The following COL11A2 variants were observed in gnomAD, a reference collection of about 807,000 sequenced individuals.
COL11A2 encodes collagen type XI alpha 2 chain.
In COL11A2, 116 loss-of-function variants were observed where a neutral mutation model predicts 273.4. The observed-to-expected ratio is 0.42, with a 90% CI of 0.36 to 0.49. The LOEUF (loss-of-function observed/expected upper bound fraction) is 0.49. COL11A2 is among the 20% of genes least tolerant of loss of function. The probability of loss-of-function intolerance (pLI) is 0.00; values close to 1 mark genes in which losing one functional copy is unlikely to be tolerated. For synonymous variants in COL11A2, 782 were observed against 864.2 expected (o/e 0.90, Z 1.67); for missense variants, 1,866 against 2,309.0 (o/e 0.81, Z 3.93).
At position 33,165,004 on chromosome 6, in the gene COL11A2, TC is replaced by T; in HGVS notation, c.4751-41del. 1 of 1,482,830 alleles carries T rather than the reference TC, an allele frequency of 6.7e-7. No homozygotes were observed. Among genetic ancestry groups the T allele is most frequent in the Non-Finnish European group, 9.2e-7 (1 of 1,084,456 alleles). 91.9% of individuals were successfully genotyped at this position (1,482,830 alleles called of 1,614,324 possible). A position where few individuals can be genotyped will look rare whatever the true frequency, so the allele number is the denominator to read the frequency against. ...AGAGGGGAGGTCAGGGCCACCTAGGTCCAGGCTCCAAGATGCTCTTTGCCCC... is the reference window on the plus strand; with the variant it reads ...AGAGGGGAGGTCAGGGCCACCTAGGTCAGGCTCCAAGATGCTCTTTGCCCC... On this transcript the variant is annotated intron_variant, in intron 63 of 65. Transcript: ENST00000341947. The surrounding 1 kb of genome is among the most constrained non-coding windows in gnomAD (Gnocchi z 7.7).
rs1232261229 is a variant in COL11A2, at chr6:33,164,294, A to G, written c.5043T>C (p.Tyr1681=). 1 of 1,612,842 alleles carries G rather than the reference A, an allele frequency of 6.2e-7. No individual in the cohort carries two copies. The highest frequency in any genetic ancestry group is 1.1e-5 in the South Asian group (1 of 91,056). ...EDELSPETSP[Y]VKEFRDGCQT... is the part of the protein sequence containing the mutation. ...GGCAGCCATCTCTGAATTCTTTGAC[A>G]TAGGGGCTAGTCTCCGGGCTCAGCT... is the stretch of plus-strand genomic sequence containing the variant. The change falls in exon 65 of 66, where the codon TAT becomes TAC. Residue 1681 remains tyrosine (Y), a synonymous_variant. Coordinates refer to ENST00000341947, the MANE Select transcript of COL11A2 (RefSeq NM_080680.3). The surrounding 1 kb of genome is among the most constrained non-coding windows in gnomAD (Gnocchi z 4.7).
Position 33,180,290 on chromosome 6 carries a change from G to A in COL11A2, c.1327C>T (p.Pro443Ser), listed in dbSNP as rs1771546025. Reference sequence around the variant, plus strand: ...ATGAGAGATGTGCCAGGAGGACCAGGAGCCCCATCTGATCCAGGGAGCCCT... The same window carrying A: ...ATGAGAGATGTGCCAGGAGGACCAGAAGCCCCATCTGATCCAGGGAGCCCT... ...RAGLPGSDGA[P>S]GPPGTSLMLP... Residue 443 changes from proline (P) to serine (S), a missense_variant, in exon 12 of 66, where the codon CCT becomes TCT. Coordinates refer to ENST00000341947, the MANE Select transcript of COL11A2 (RefSeq NM_080680.3). 2 of 1,612,970 alleles carry A rather than the reference G, an allele frequency of 1.2e-6. No individual in the cohort carries two copies. The highest frequency in any genetic ancestry group is 1.1e-5 in the South Asian group (1 of 91,080).
chr6:33,178,826 G>C lies in COL11A2; in HGVS notation c.1665+94C>G, dbSNP rs577693947. On this transcript the variant is annotated intron_variant, in intron 17 of 65. Transcript: ENST00000341947. The surrounding 1 kb of genome is among the most constrained non-coding windows in gnomAD (Gnocchi z 4.6). ...CTGAGCTGGGGGGGTGCTGATCCTG[G>C]GGAAGCCTGGAGAACTAGGTCATCC... The C allele has an allele frequency of 2.4e-5, 38 of 1,608,116 alleles. No individual in the cohort carries two copies. The African/African-American group carries it at 4.7e-4, about 20-fold the overall frequency.
rs1344567763 is a variant in COL11A2, at chr6:33,172,076, C to T, written c.3016G>A (p.Gly1006Ser). 3 of 1,613,050 alleles carry T rather than the reference C, an allele frequency of 1.9e-6. No homozygotes were observed. Among genetic ancestry groups the T allele is most frequent in the East Asian group, 4.5e-5 (2 of 44,878 alleles). Residue 1006 changes from glycine (G) to serine (S), a missense_variant, in exon 41 of 66, where the codon GGT (glycine) becomes AGT (serine). Coordinates refer to ENST00000341947, the MANE Select transcript of COL11A2 (RefSeq NM_080680.3). ...GCAGGGCCAGGGGGGCCAGACGGACCTTCATTCCCCTTCAAACCAGGTCCA... is the reference window on the plus strand; with the variant it reads ...GCAGGGCCAGGGGGGCCAGACGGACTTTCATTCCCCTTCAAACCAGGTCCA... ...AGGPGLKGNE[G>S]PSGPPGPAGS...
Position 33,178,010 on chromosome 6 carries a change from G to A in COL11A2, c.1872+122C>T. ...AGGGCAGTGTGGGGCCAGAGCAGGG[G>A]GAGCTCACAGGGAATGGGAAGCATG... On this transcript the variant is annotated intron_variant, in intron 21 of 65. Transcript: ENST00000341947. This position sits in a 1 kb window ranked among gnomAD's most constrained non-coding sequence, Gnocchi z 4.6. The A allele has an allele frequency of 9.4e-7, 1 of 1,068,768 alleles. No homozygotes were observed. The highest frequency in any genetic ancestry group is 2.5e-4 in the Middle Eastern group (1 of 3,962). 66.2% of individuals were successfully genotyped at this position (1,068,768 alleles called of 1,614,324 possible). A position where few individuals can be genotyped will look rare whatever the true frequency, so the allele number is the denominator to read the frequency against.
rs1238421021 is a variant in COL11A2 at position 33,176,948 on chromosome 6, G to A, written c.2070+44C>T. 3 of 1,596,240 alleles carry A rather than the reference G, an allele frequency of 1.9e-6. No individual in the cohort carries two copies. On this transcript the variant is annotated intron_variant, in intron 25 of 65. Transcript: ENST00000341947. The surrounding 1 kb of genome is among the most constrained non-coding windows in gnomAD (Gnocchi z 4.9). Reference sequence around the variant, plus strand: ...GAGCTCTGAGGTCATGCACTGGGGTGGAAGGCCAAGGGGAACTGGATTCGG... The same window carrying A: ...GAGCTCTGAGGTCATGCACTGGGGTAGAAGGCCAAGGGGAACTGGATTCGG...
In COL11A2 at chr6:33,169,230, C is replaced by T. The variant is rs564252345; in HGVS notation, c.3798+153G>A. The stretch of plus-strand genomic sequence containing the variant: ...TCTCACTTTCTCTCCGGATCCTAGA[C>T]CCCAGGCATCCCTCTGGATGCCCCA... On this transcript the variant is annotated intron_variant, in intron 51 of 65. Coordinates refer to ENST00000341947, the MANE Select transcript of COL11A2 (RefSeq NM_080680.3). The surrounding 1 kb of genome is among the most constrained non-coding windows in gnomAD (Gnocchi z 5.5). Among the ~76,000 whole-genome samples the T allele has an allele frequency of 3.3e-5, 5 of 152,204 alleles. No individual in the cohort carries two copies. In the South Asian group the frequency reaches 1.0e-3, roughly 32 times the overall value.
In COL11A2 at chr6:33,167,861, G is replaced by A. The variant is rs374763770; in HGVS notation, c.3961-9C>T. 3 of 1,612,842 alleles carry A rather than the reference G, an allele frequency of 1.9e-6. No homozygotes were observed. Among genetic ancestry groups the A allele is most frequent in the South Asian group, 2.2e-5 (2 of 91,034 alleles). Reference sequence around the variant, plus strand: ...GGCGAGCCAGCAGGACCCTGCAGGTGGAGTGGGAAGGAAGAGCACATGAGG... The same window carrying A: ...GGCGAGCCAGCAGGACCCTGCAGGTAGAGTGGGAAGGAAGAGCACATGAGG... On this transcript the variant is annotated splice_polypyrimidine_tract_variant and intron_variant, in intron 54 of 65. Transcript: ENST00000341947. The surrounding 1 kb of genome is among the most constrained non-coding windows in gnomAD (Gnocchi z 6.1).
At chr6:33,191,458 A>C (rs1473983230) in intron 1 of COL11A2, among the ~76,000 whole-genome samples, 2 of 152,244 alleles carry the variant, frequency 1.3e-5, no homozygotes, top group African/African-American at 4.8e-5. Context: ...AAAAGAAGGA[A>C]AAGATCAGGG....
At chr6:33,186,501 G>A in intron 5 of COL11A2, 126 bp downstream of exon 5, 1 of 1,559,390 alleles carries the variant, frequency 6.4e-7, no homozygotes, top group Non-Finnish European at 8.7e-7. Context: ...GATGAATGAG[G>A]ACTAGGAGGA....
At position 33,176,540 on chromosome 6, in the gene COL11A2, G is replaced by T; in HGVS notation, c.2116-54C>A. 1 of 1,531,670 alleles carries T rather than the reference G, an allele frequency of 6.5e-7. No individual in the cohort carries two copies. The highest frequency in any genetic ancestry group is 9.0e-7 in the Non-Finnish European group (1 of 1,107,400). 94.9% of individuals were successfully genotyped at this position (1,531,670 alleles called of 1,614,324 possible). On this transcript the variant is annotated intron_variant, in intron 26 of 65. Transcript: ENST00000341947. The surrounding 1 kb of genome is among the most constrained non-coding windows in gnomAD (Gnocchi z 4.9). The stretch of plus-strand genomic sequence containing the variant: ...AGGGGCCTCAGAGTGTCACTGTGGG[G>T]GCCTCCAGGGGTGGAAGAAATGGAA...
chr6:33,165,740 C>T lies in COL11A2; in HGVS notation c.4559G>A (p.Arg1520His), dbSNP rs772567850. The T allele has an allele frequency of 3.8e-5, 62 of 1,611,682 alleles. No individual in the cohort carries two copies. The highest frequency in any genetic ancestry group is 3.6e-5 in the Non-Finnish European group (42 of 1,179,988). Residue 1520 changes from arginine (R) to histidine (H), a missense_variant, in exon 63 of 66, where the codon CGT becomes CAT. Physicochemically the swap from Arg to His is conservative, Grantham distance 29 (BLOSUM62 0). Coordinates refer to ENST00000341947, the MANE Select transcript of COL11A2 (RefSeq NM_080680.3). The surrounding 1 kb of genome is among the most constrained non-coding windows in gnomAD (Gnocchi z 7.7). The part of the protein sequence containing the change: ...KKTRRSVDGS[R>H]LMQEDEAIPT... ...TATGGCCTCATCTTCCTGCATCAGA[C>T]GGCTTCCATCCACCGAGCGCCGAGT...
chr6:33,172,976 G>T, intron 38 of COL11A2, 84 bp downstream of exon 38: 1 of 1,441,412 alleles, frequency 6.9e-7, no homozygotes, highest in South Asian at 1.2e-5. Context: ...GGTGGACCGG[G>T]GCAGGGGCGT....
rs1269348677 is a variant in COL11A2, at chr6:33,176,521, C to T, written c.2116-35G>A. The T allele has an allele frequency of 1.3e-6, 2 of 1,591,090 alleles. No individual in the cohort carries two copies. Among genetic ancestry groups the T allele is most frequent in the African/African-American group, 2.7e-5 (2 of 74,476 alleles). On this transcript the variant is annotated intron_variant, in intron 26 of 65. Transcript: ENST00000341947. This position sits in a 1 kb window ranked among gnomAD's most constrained non-coding sequence, Gnocchi z 4.9. Reference sequence around the variant, plus strand: ...AAAAGAGAGGCATTTATAAAGGGGCCTCAGAGTGTCACTGTGGGGGCCTCC... The same window carrying T: ...AAAAGAGAGGCATTTATAAAGGGGCTTCAGAGTGTCACTGTGGGGGCCTCC...
At position 33,179,528 on chromosome 6, in the gene COL11A2, T is replaced by G. The variant is rs1241054274; in HGVS notation, c.1447-41A>C. ...GACAGCAGAGCTGAGGGACAGGCAG[T>G]GGGAACCCCCAGCCCCAGCACTCTC... On this transcript the variant is annotated intron_variant, in intron 13 of 65. Coordinates refer to ENST00000341947, the MANE Select transcript of COL11A2 (RefSeq NM_080680.3). This position sits in a 1 kb window ranked among gnomAD's most constrained non-coding sequence, Gnocchi z 6.4. 1 of 1,530,614 alleles carries G rather than the reference T, an allele frequency of 6.5e-7. No individual in the cohort carries two copies. Among genetic ancestry groups the G allele is most frequent in the Non-Finnish European group, 8.9e-7 (1 of 1,127,852 alleles). The allele number at this position is 1,530,614 out of a possible 1,614,324, so 94.8% of individuals were successfully genotyped here.
rs1554216257 is a variant in COL11A2, at chr6:33,170,970, AG to A, written c.3367-54del. ...AGGACACAGGGATGGGTCATGGGTC[AG>A]GTGTTCTCTATCCACAAATACCACA... On this transcript the variant is annotated intron_variant, in intron 45 of 65. Transcript: ENST00000341947. The surrounding 1 kb of genome is among the most constrained non-coding windows in gnomAD (Gnocchi z 4.3). The A allele has an allele frequency of 5.7e-5, 8 of 139,920 alleles. No homozygotes were observed. Among genetic ancestry groups the A allele is most frequent in the East Asian group, 3.2e-3 (1 of 308 alleles). The allele number at this position is 139,920 out of a possible 1,614,324, so 8.7% of individuals were successfully genotyped here.
intron 41 of COL11A2, 98 bp from the exon 42 acceptor site, chr6:33,171,918 T>G (rs1770142097): frequency 2.6e-6 from 4 of 1,537,716 alleles, no homozygotes; most frequent in Non-Finnish European, 3.6e-6. Flanking sequence ...CAAAATCAGA[T>G]GCATTCTGGC....
intron 1 of COL11A2, 91 bp downstream of exon 1, chr6:33,192,068 G>T: frequency 8.2e-7 from 1 of 1,214,152 alleles, no homozygotes; most frequent in Non-Finnish European, 1.2e-6. Context: ...AGACTCAGAA[G>T]CTGCTGCCCC....
In COL11A2 at chr6:33,189,355, G is replaced by A. The variant is rs1772821440; in HGVS notation, c.197C>T (p.Ala66Val). 2.5e-6 allele frequency: 4 copies of A among 1,613,368 alleles called. No homozygotes were observed. The South Asian group carries it at 3.3e-5, about 13-fold the overall frequency. The change falls in exon 2 of 66, where the codon GCC becomes GTC. Residue 66 changes from alanine to valine, a missense_variant. Coordinates refer to ENST00000341947, the MANE Select transcript of COL11A2 (RefSeq NM_080680.3). This position sits in a 1 kb window ranked among gnomAD's most constrained non-coding sequence, Gnocchi z 5.6. ...CTGGCGAGTGGGTGCACTGAGCTGG[G>A]CAGGTCGTGCCACTCGGTAGGCCAC... ...ADVAYRVARP[A>V]QLSAPTRQLF...
Sources: allele counts gnomAD v4.1 joint callset (sites outside exome capture counted in the v4.1 genomes callset), GRCh38; gene constraint gnomAD v4.1.1; non-coding constraint Gnocchi (gnomAD v3.1); transcripts MANE v1.5; gene names NCBI Gene and HGNC (gene_info 2026-07-23, HGNC 2026-07-21).